Variants in UFSP2 observed in about 807,000 individuals in gnomAD.
UFSP2 encodes the protein ufm1-specific protease 2.
UFSP2 carries 43 observed loss-of-function variants against 60.2 expected under a neutral mutation model. The observed-to-expected ratio is 0.71, with a 90% CI of 0.56 to 0.92. UFSP2 has a LOEUF of 0.92. UFSP2 is among the 40% of genes least tolerant of loss of function. The pLI is 0.00. For synonymous variants in UFSP2, 183 were observed against 195.1 expected, an observed-to-expected ratio of 0.94 and a Z score of 0.52; for missense variants, 520 against 575.0, an observed-to-expected ratio of 0.90 and a Z score of 0.98.
chr4:185,403,599 G>A lies in UFSP2; in HGVS notation c.1218C>T (p.His406=). ...PVMIGGGVLA[H]TILGVAWNEI... is the part of the protein sequence containing the mutation. ...CATTCCATGCAACTCCTAGTATTGT[G>A]TGGGCCAAAACTCCTCCCCCTATAG... Residue 406 remains histidine (H), a synonymous_variant, in exon 11 of 12, where the codon CAC becomes CAT. Transcript: ENST00000264689. 6.2e-7 allele frequency: 1 copy of A among 1,613,242 alleles called. No homozygotes were observed.
chr4:185,415,351 T>G lies in UFSP2; in HGVS notation c.492-4A>C, dbSNP rs755828973. On this transcript the variant is annotated splice_polypyrimidine_tract_variant and splice_region_variant and intron_variant, in intron 5 of 11. Coordinates refer to ENST00000264689, the MANE Select transcript of UFSP2 (RefSeq NM_018359.5). ...ATCAACCAGGAGTTTACGAACTCTG[T>G]GGGGGGAAATATATAAGTGTATTAA... is the stretch of plus-strand genomic sequence containing the variant. 2.6e-5 allele frequency: 40 copies of G among 1,566,622 alleles called. No individual in the cohort carries two copies. Among genetic ancestry groups the G allele is most frequent in the East Asian group, 4.6e-5 (2 of 43,880 alleles).
At chr4:185,401,227 C>A (rs746670902) in intron 11 of UFSP2, among the ~76,000 whole-genome samples, 1 of 152,174 alleles carries the variant, frequency 6.6e-6, no homozygotes, top group Admixed American at 6.5e-5. Context: ...TAATAAGATA[C>A]ACGTTGTCAA....
chr4:185,408,771 T>C (rs184553995), intron 7 of UFSP2, among the ~76,000 whole-genome samples: 60 of 152,218 alleles, frequency 3.9e-4, no homozygotes, highest in Non-Finnish European at 7.4e-5. Flanking sequence ...CCTGGAACTC[T>C]CTTTTCCCAA....
chr4:185,422,605 AAAC>A (rs779468358), intron 1 of UFSP2, 42 bp from the exon 2 acceptor site: 1 of 1,312,764 alleles, frequency 7.6e-7, no homozygotes, highest in South Asian at 1.3e-5. Flanking sequence ...TTGTAAAACA[AAAC>A]AAACTCATAT....
intron 10 of UFSP2, 70 bp from the exon 11 acceptor site, chr4:185,403,688 AGAC>A: frequency 6.4e-7 from 1 of 1,559,070 alleles, no homozygotes. Context: ...CAATTTAAAT[AGAC>A]AGATTACGGC....
At chr4:185,401,259 A>G (rs545361984) in intron 11 of UFSP2, among the ~76,000 whole-genome samples, 115 of 152,294 alleles carry the variant, frequency 7.6e-4, no homozygotes, top group African/African-American at 2.6e-3. Flanking sequence ...AAAGTAAAAA[A>G]TCCTCTACCA....
chr4:185,406,046 A>C, intron 9 of UFSP2, 190 bp from the exon 10 acceptor site: 4 of 1,244,782 alleles, frequency 3.2e-6, no homozygotes, highest in Non-Finnish European at 4.4e-6. Flanking sequence ...ATAAACTCAA[A>C]ATACTTAAGG....
At chr4:185,400,765 T>C (rs2126874156) in intron 11 of UFSP2, 1 of 283,648 alleles carries the variant, frequency 3.5e-6, no homozygotes, top group Non-Finnish European at 6.5e-6. Flanking sequence ...CTGAGATGTA[T>C]AGTTTTACCA....
chr4:185,409,855 A>T (rs1173845190), intron 7 of UFSP2, among the ~76,000 whole-genome samples: 1 of 152,216 alleles, frequency 6.6e-6, no homozygotes, highest in Non-Finnish European at 1.5e-5. Context: ...CTGAGGAGGC[A>T]GAGATCGGAA....
In UFSP2 at chr4:185,415,160, T is replaced by C; in HGVS notation, c.679A>G (p.Arg227Gly). The C allele has an allele frequency of 6.3e-7, 1 of 1,592,924 alleles. No individual in the cohort carries two copies. Among genetic ancestry groups the C allele is most frequent in the Non-Finnish European group, 8.5e-7 (1 of 1,175,114 alleles). ...AATAGATGAACTGGTTTTACCTTCC[T>C]ATAGGCCTGCAGCTGGCCATCTGGT... The part of the protein sequence containing the change: ...GIPDGQLQAY[R>G]KELHDLFNLP... Residue 227 changes from arginine to glycine, a missense_variant, in exon 6 of 12, where the codon AGG becomes GGG. Arg to Gly is a moderately radical substitution (Grantham distance 125, BLOSUM62 -2). Transcript: ENST00000264689.
Position 185,400,485 on chromosome 4 carries a change from AGAG to A in UFSP2, c.1324-10_1324-8del, listed in dbSNP as rs1338692303. ...CCTTCCATCCGCACCAGCCCTGGAT[AGAG>A]AAGACGGGAAAGGAAAGCCTTTTAC... is the stretch of plus-strand genomic sequence containing the variant. On this transcript the variant is annotated splice_polypyrimidine_tract_variant and splice_region_variant and intron_variant, in intron 11 of 11. Transcript: ENST00000264689. 2 of 1,606,336 alleles carry A rather than the reference AGAG, an allele frequency of 1.2e-6. No individual in the cohort carries two copies. The highest frequency in any genetic ancestry group is 1.3e-5 in the African/African-American group (1 of 74,684).
intron 4 of UFSP2, among the ~76,000 whole-genome samples, chr4:185,416,601 G>A (rs1350101710): frequency 2.2e-5 from 3 of 136,958 alleles, no homozygotes; most frequent in Non-Finnish European, 3.3e-5. Context: ...AAAAATGAAC[G>A]TGTTATGTGT....
intron 4 of UFSP2, 30 bp downstream of exon 4, chr4:185,418,411 A>G: frequency 6.6e-7 from 1 of 1,514,098 alleles, no homozygotes; most frequent in Non-Finnish European, 9.1e-7. Context: ...TAACATTTTT[A>G]TCAGTACAGA....
chr4:185,402,429 C>CA, intron 11 of UFSP2: 1 of 399,024 alleles, frequency 2.5e-6, no homozygotes, highest in Non-Finnish European at 4.8e-6. Context: ...TTATCATAAA[C>CA]AAAAGACTTC....
At chr4:185,401,359 T>A (rs2095513024) in intron 11 of UFSP2, among the ~76,000 whole-genome samples, 1 of 152,254 alleles carries the variant, frequency 6.6e-6, no homozygotes, top group African/African-American at 2.4e-5. Context: ...TAATTTAATG[T>A]CCTAAAATCT....
intron 2 of UFSP2, among the ~76,000 whole-genome samples, chr4:185,420,036 T>C (rs1458724296): frequency 2.0e-5 from 3 of 152,330 alleles, no homozygotes; most frequent in Middle Eastern, 6.8e-3. Context: ...CAGTAATCTA[T>C]AAGGATTCCA....
chr4:185,418,492 T>A lies in UFSP2; in HGVS notation c.282A>T (p.Glu94Asp). The A allele has an allele frequency of 1.2e-6, 2 of 1,612,246 alleles. No individual in the cohort carries two copies. The highest frequency in any genetic ancestry group is 1.7e-6 in the Non-Finnish European group (2 of 1,179,076). ...TTCTCATGAATTTTCTTTTTATATCTTCTTCTGGCTCAAATCTAAATTTTT... is the reference window on the plus strand; with the variant it reads ...TTCTCATGAATTTTCTTTTTATATCATCTTCTGGCTCAAATCTAAATTTTT... ...ILRFIQFEPEEDIKRKFMRKK... is the reference protein window; with the variant it reads ...ILRFIQFEPEDDIKRKFMRKK... Residue 94 changes from glutamate (E) to aspartate (D), a missense_variant, in exon 4 of 12, where the codon GAA (glutamate) becomes GAT (aspartate). By Grantham distance (45) the Glu-to-Asp change is conservative. Transcript: ENST00000264689.
At position 185,415,251 on chromosome 4, in the gene UFSP2, AG is replaced by A; in HGVS notation, c.587del (p.Pro196LeufsTer15). 6.2e-7 allele frequency: 1 copy of A among 1,604,392 alleles called. No homozygotes were observed. The highest frequency in any genetic ancestry group is 8.5e-7 in the Non-Finnish European group (1 of 1,177,750). ...KYMKGTSIVV[P>X]EPLHFLLPGK... ...CTGGTAATAAAAAGTGCAGTGGTTC[AG>A]GGACCACAATAGATGTTCCTTTCAT... On this transcript the variant is annotated frameshift_variant, in exon 6 of 12. Transcript: ENST00000264689. LOFTEE classifies it high-confidence loss of function.
In UFSP2 at chr4:185,399,614, C is replaced by T. The variant is rs757623071; in HGVS notation, c.*778G>A. 1 of 1,614,150 alleles carries T rather than the reference C, an allele frequency of 6.2e-7. No individual in the cohort carries two copies. Among genetic ancestry groups the T allele is most frequent in the South Asian group, 1.1e-5 (1 of 91,072 alleles). ...CAAACAGCTGAAGATCTCGCTTGGT[C>T]ATGTGGATTTCCAGACTGTGCCAAG... On this transcript the variant is annotated 3_prime_UTR_variant, in exon 12 of 12. Coordinates refer to ENST00000264689, the MANE Select transcript of UFSP2 (RefSeq NM_018359.5).
Sources: allele counts gnomAD v4.1 joint callset (sites outside exome capture counted in the v4.1 genomes callset), GRCh38; gene constraint gnomAD v4.1.1; transcripts MANE v1.5; gene names NCBI Gene and HGNC (gene_info 2026-07-23, HGNC 2026-07-21).